Variants in TOMM20 observed in about 807,000 individuals in gnomAD.
TOMM20 encodes the protein translocase of outer mitochondrial membrane 20.
Under a neutral mutation model 22.1 loss-of-function variants are expected in TOMM20, and 10 were observed. The observed-to-expected ratio is 0.45, with a 90% CI of 0.28 to 0.77. The LOEUF (loss-of-function observed/expected upper bound fraction) is 0.77. TOMM20 is among the 30% of genes least tolerant of loss of function. TOMM20 has a pLI of 0.13. For missense variants in TOMM20, 121 were observed against 172.2 expected, an observed-to-expected ratio of 0.70 and a Z score of 1.66; for synonymous variants, 55 against 61.4, an observed-to-expected ratio of 0.90 and a Z score of 0.49.
chr1:235,115,836 GA>G (rs758807716), intron 3 of TOMM20, among the ~76,000 whole-genome samples: 22 of 152,192 alleles, frequency 1.4e-4, no homozygotes, highest in Non-Finnish European at 2.8e-4. Context: ...TATGTGTAGG[GA>G]AAAGCACACA....
At chr1:235,120,681 ATCC>A (rs1170398694) in intron 2 of TOMM20, among the ~76,000 whole-genome samples, 1 of 151,760 alleles carries the variant, frequency 6.6e-6, no homozygotes, top group Non-Finnish European at 1.5e-5. Context: ...GGATCAAGTG[ATCC>A]TCCTACCTCA....
intron 1 of TOMM20, 152 bp downstream of exon 1, chr1:235,128,443 C>T: frequency 1.6e-6 from 2 of 1,247,208 alleles, no homozygotes; most frequent in Non-Finnish European, 1.1e-6. Context: ...CTAGAGCCCC[C>T]GGAGCGGCGC....
At chr1:235,125,733 G>A (rs1027755797) in intron 1 of TOMM20, among the ~76,000 whole-genome samples, 5 of 148,794 alleles carry the variant, frequency 3.4e-5, no homozygotes, top group Non-Finnish European at 7.4e-5. Context: ...AGCCAGTCAC[G>A]CAACTGCACT....
intron 3 of TOMM20, among the ~76,000 whole-genome samples, chr1:235,117,763 A>G (rs1157358476): frequency 6.6e-6 from 1 of 152,222 alleles, no homozygotes; most frequent in African/African-American, 2.4e-5. Flanking sequence ...GCACCTGAGT[A>G]TAAGTAAAGG....
At chr1:235,122,075 T>C (rs1412470045) in intron 2 of TOMM20, among the ~76,000 whole-genome samples, 3 of 151,608 alleles carry the variant, frequency 2.0e-5, no homozygotes, top group Non-Finnish European at 4.4e-5. Context: ...CTCATCTTGC[T>C]CCTTAATTAT....
At chr1:235,117,285 C>T (rs1018745337) in intron 3 of TOMM20, among the ~76,000 whole-genome samples, 1 of 150,994 alleles carries the variant, frequency 6.6e-6, no homozygotes, top group Admixed American at 6.6e-5. Flanking sequence ...GTGAAACCCA[C>T]CCCCTACCAA....
intron 3 of TOMM20, among the ~76,000 whole-genome samples, chr1:235,118,504 T>G (rs1343510959): frequency 6.6e-6 from 1 of 152,228 alleles, no homozygotes; most frequent in Non-Finnish European, 1.5e-5. Context: ...GCCTATCTTG[T>G]ACTCCTCTGC....
intron 3 of TOMM20, among the ~76,000 whole-genome samples, 155 bp from the exon 4 acceptor site, chr1:235,114,065 G>A (rs1660786791): frequency 6.6e-6 from 1 of 152,174 alleles, no homozygotes; most frequent in African/African-American, 2.4e-5. Flanking sequence ...CTATTATGAA[G>A]CTACTAACAA....
At chr1:235,116,161 C>A (rs952345873) in intron 3 of TOMM20, among the ~76,000 whole-genome samples, 2 of 152,146 alleles carry the variant, frequency 1.3e-5, no homozygotes, top group African/African-American at 4.8e-5. Flanking sequence ...AATCCCAGCA[C>A]TTAGGGAGGC....
In TOMM20 at chr1:235,128,763, G is replaced by A. The variant is rs757129565; in HGVS notation, c.-48C>T. The A allele has an allele frequency of 2.5e-5, 41 of 1,611,116 alleles. No individual in the cohort carries two copies. The highest frequency in any genetic ancestry group is 1.6e-4 in the Middle Eastern group (1 of 6,078). On this transcript the variant is annotated 5_prime_UTR_variant, in exon 1 of 5. Transcript: ENST00000366607. ...GACGGTGGCGGCAGGGACCGCGAAGGAGCGGTGGGCCACGAACCCTCAGAG... is the reference window on the plus strand; with the variant it reads ...GACGGTGGCGGCAGGGACCGCGAAGAAGCGGTGGGCCACGAACCCTCAGAG...
At chr1:235,126,067 T>TTAGATAGA (rs750628138) in intron 1 of TOMM20, among the ~76,000 whole-genome samples, 2 of 147,900 alleles carry the variant, frequency 1.4e-5, no homozygotes, top group African/African-American at 5.0e-5. Flanking sequence ...ATAGATTAGA[T>TTAGATAGA]TAGATAGATA....
At chr1:235,127,204 T>A (rs1661039089) in intron 1 of TOMM20, among the ~76,000 whole-genome samples, 1 of 152,072 alleles carries the variant, frequency 6.6e-6, no homozygotes, top group Non-Finnish European at 1.5e-5. Context: ...ACCACCAGCA[T>A]TTATGGAGGA....
In TOMM20 at chr1:235,111,832, T is replaced by TA. The variant is rs764229032; in HGVS notation, c.*231dup. ...GGAATAAACAAAATCCATGATATTTTAGTAACTCATAGTGTATTTATAGAA... is the reference window on the plus strand; with the variant it reads ...GGAATAAACAAAATCCATGATATTTTAAGTAACTCATAGTGTATTTATAGAA... On this transcript the variant is annotated 3_prime_UTR_variant, in exon 5 of 5. Transcript: ENST00000366607. 1.1e-5 allele frequency: 5 copies of TA among 455,636 alleles called. No homozygotes were observed. The highest frequency in any genetic ancestry group is 1.9e-5 in the Non-Finnish European group (5 of 256,410). The allele number at this position is 455,636 out of a possible 1,614,324, so 28.2% of individuals were successfully genotyped here.
At chr1:235,126,769 G>C (rs181095886) in intron 1 of TOMM20, among the ~76,000 whole-genome samples, 1 of 152,028 alleles carries the variant, frequency 6.6e-6, no homozygotes, top group Non-Finnish European at 1.5e-5. Flanking sequence ...CACTGCACTC[G>C]AGCCTGGGCG....
intron 3 of TOMM20, among the ~76,000 whole-genome samples, chr1:235,114,439 CTTTTTTT>C (rs67573955): frequency 7.6e-6 from 1 of 131,606 alleles, no homozygotes; most frequent in African/African-American, 2.8e-5. Context: ...CTTATTTTTT[CTTTTTTT>C]TTTTTTTTTT....
chr1:235,116,990 C>A (rs1276604011), intron 3 of TOMM20, among the ~76,000 whole-genome samples: 3 of 151,384 alleles, frequency 2.0e-5, no homozygotes, highest in African/African-American at 4.9e-5. Flanking sequence ...AAAAAACTAG[C>A]CGGGCGTGGT....
intron 4 of TOMM20, 133 bp downstream of exon 4, chr1:235,113,635 G>T: frequency 8.6e-7 from 1 of 1,160,596 alleles, no homozygotes; most frequent in South Asian, 1.7e-5. Context: ...GTCAAGCGCT[G>T]ATATCTCCCA....
At chr1:235,116,283 G>C (rs1364752376) in intron 3 of TOMM20, among the ~76,000 whole-genome samples, 1 of 152,078 alleles carries the variant, frequency 6.6e-6, no homozygotes, top group East Asian at 1.9e-4. Context: ...GTTCACGCCT[G>C]TAATCCCAGC....
chr1:235,127,182 G>A (rs186134871), intron 1 of TOMM20, among the ~76,000 whole-genome samples: 47 of 152,254 alleles, frequency 3.1e-4, no homozygotes, highest in Non-Finnish European at 4.9e-4. Context: ...ACAATAACCC[G>A]AAGGCAGAAT....
Sources: allele counts gnomAD v4.1 joint callset (sites outside exome capture counted in the v4.1 genomes callset), GRCh38; gene constraint gnomAD v4.1.1; transcripts MANE v1.5; gene names NCBI Gene and HGNC (gene_info 2026-07-23, HGNC 2026-07-21).